HECW1: variants seen among roughly 807,000 people sequenced by gnomAD.
HECW1 encodes HECT, C2 and WW domain containing E3 ubiquitin protein ligase 1.
Under a neutral mutation model 182.3 loss-of-function variants are expected in HECW1, and 61 were observed. That is an observed-to-expected ratio of 0.33 (90% CI 0.27 to 0.41). HECW1 has a LOEUF of 0.41. HECW1 is among the 10% of genes least tolerant of loss of function. The pLI is 1.00. For synonymous variants in HECW1, 859 were observed against 832.6 expected, an observed-to-expected ratio of 1.03 and a Z score of -0.55; for missense variants, 1,739 against 2,108.9, an observed-to-expected ratio of 0.82 and a Z score of 3.44.
At chr7:43,552,572 G>T (rs772249951) in intron 28 of HECW1, among the ~76,000 whole-genome samples, 1 of 152,028 alleles carries the variant, frequency 6.6e-6, no homozygotes, top group African/African-American at 2.4e-5. Context: ...TCACTCTCAC[G>T]CCCCTTTCCC....
intron 2 of HECW1, among the ~76,000 whole-genome samples, chr7:43,197,513 C>A (rs376797229): frequency 1.3e-5 from 2 of 152,194 alleles, no homozygotes; most frequent in Admixed American, 6.5e-5. Flanking sequence ...TGGGACCCAC[C>A]TCTTGGCACA....
intron 13 of HECW1, among the ~76,000 whole-genome samples, chr7:43,462,664 C>A (rs987223074): frequency 3.9e-5 from 6 of 152,148 alleles, no homozygotes; most frequent in Non-Finnish European, 8.8e-5. Flanking sequence ...ACCCATCCTA[C>A]TGCAGGGCGC....
chr7:43,330,724 G>T (rs1487339792), intron 5 of HECW1, among the ~76,000 whole-genome samples: 2 of 152,194 alleles, frequency 1.3e-5, no homozygotes, highest in African/African-American at 4.8e-5. Context: ...ACTGTAGGCT[G>T]AAAGGTATAG....
At chr7:43,478,787 TAAA>T (rs748260046) in intron 16 of HECW1, among the ~76,000 whole-genome samples, 11 of 152,120 alleles carry the variant, frequency 7.2e-5, no homozygotes, top group East Asian at 3.8e-4. Context: ...CATTCTATAA[TAAA>T]AAAGAGCATT....
chr7:43,425,300 TAGATGATA>T (rs2076323789), intron 8 of HECW1, among the ~76,000 whole-genome samples: 2 of 122,060 alleles, frequency 1.6e-5, no homozygotes, highest in East Asian at 2.4e-4. Context: ...GATAGATAGA[TAGATGATA>T]GATAGATAGA....
At chr7:43,158,061 T>C (rs1379900284) in intron 2 of HECW1, among the ~76,000 whole-genome samples, 2 of 152,204 alleles carry the variant, frequency 1.3e-5, no homozygotes, top group Non-Finnish European at 2.9e-5. Flanking sequence ...TTAAGCTTCT[T>C]GTGAGTATTG....
chr7:43,148,362 C>T (rs2152641323), intron 2 of HECW1, among the ~76,000 whole-genome samples: 1 of 152,084 alleles, frequency 6.6e-6, no homozygotes, highest in Non-Finnish European at 1.5e-5. Context: ...CAGCTGAAGG[C>T]ATGTGCTGAC....
intron 5 of HECW1, among the ~76,000 whole-genome samples, chr7:43,359,846 C>T (rs1815646282): frequency 6.6e-6 from 1 of 152,098 alleles, no homozygotes. Flanking sequence ...AAGACATAGC[C>T]TGGTAATTTT....
At chr7:43,119,475 G>C (rs190052937) in intron 2 of HECW1, among the ~76,000 whole-genome samples, 179 of 152,164 alleles carry the variant, frequency 1.2e-3, no homozygotes, top group Non-Finnish European at 1.7e-3. Flanking sequence ...TTTAAATGCG[G>C]GTACGGGGAT....
chr7:43,383,101 G>A lies in HECW1; in HGVS notation c.556-13713G>A, dbSNP rs571032098. ...CTGGCTTCATCCACGTACCTGCAAA[G>A]GACATGAACTCATTATTTTTTTATG... On this transcript the variant is annotated intron_variant, in intron 6 of 29. Coordinates refer to ENST00000395891, the MANE Select transcript of HECW1 (RefSeq NM_015052.5). Among the ~76,000 whole-genome samples the A allele has an allele frequency of 2.7e-4, 41 of 152,294 alleles. 1 individual carries two copies. In the South Asian group the frequency reaches 7.7e-3, roughly 28 times the overall value.
Position 43,210,652 on chromosome 7 carries a change from C to T in HECW1, c.-31-33223C>T, listed in dbSNP as rs769464728. Among the ~76,000 whole-genome samples the T allele has an allele frequency of 6.6e-5, 10 of 152,066 alleles. 1 individual carries two copies. The highest frequency in any genetic ancestry group is 6.2e-4 in the South Asian group (3 of 4,820). The stretch of plus-strand genomic sequence containing the variant: ...TAGCTCTATTAGAAGCCTTGGGTCA[C>T]GGAAGAGAACCATGGAACCCAGTGA... On this transcript the variant is annotated intron_variant, in intron 2 of 29. Transcript: ENST00000395891.
At position 43,243,792 on chromosome 7, in the gene HECW1, A is replaced by C; in HGVS notation, c.-31-83A>C. The C allele has an allele frequency of 9.2e-7, 1 of 1,084,548 alleles. No individual in the cohort carries two copies. The highest frequency in any genetic ancestry group is 1.4e-6 in the Non-Finnish European group (1 of 698,648). The allele number at this position is 1,084,548 out of a possible 1,614,324, so 67.2% of individuals were successfully genotyped here. A position where few individuals can be genotyped will look rare whatever the true frequency, so the allele number is the denominator to read the frequency against. ...AGGTATCTTGGCGGGGGTGGGGGAA[A>C]CAATGTTGTTTGTGTGGGTAATGTT... On this transcript the variant is annotated intron_variant, in intron 2 of 29. Transcript: ENST00000395891. The surrounding 1 kb of genome is among the most constrained non-coding windows in gnomAD (Gnocchi z 4.0).
chr7:43,517,825 A>G (rs1020539492), intron 24 of HECW1, among the ~76,000 whole-genome samples: 3 of 152,280 alleles, frequency 2.0e-5, no homozygotes, highest in Non-Finnish European at 1.5e-5. Context: ...TCAATTCTCA[A>G]AGAAGATGTG....
chr7:43,238,666 A>T (rs989872290), intron 2 of HECW1, among the ~76,000 whole-genome samples: 4 of 152,224 alleles, frequency 2.6e-5, no homozygotes, highest in African/African-American at 7.2e-5. Flanking sequence ...GAAAAAATGT[A>T]TGAATGAATG....
chr7:43,148,106 G>T (rs2152641047), intron 2 of HECW1, among the ~76,000 whole-genome samples: 1 of 152,290 alleles, frequency 6.6e-6, no homozygotes, highest in South Asian at 2.1e-4. Flanking sequence ...TGTAGGGAGT[G>T]CCCTTGAATT....
At position 43,303,053 on chromosome 7, in the gene HECW1, T is replaced by G. The variant is rs564978665; in HGVS notation, c.28-8710T>G. ...GAACAGGAATTTGCCCCAGCTAACC[T>G]GACGAGGCCCTCCTGGCTGCCACCT... On this transcript the variant is annotated intron_variant, in intron 3 of 29. Transcript: ENST00000395891. 2.6e-5 allele frequency among the ~76,000 whole-genome samples: 4 copies of G among 152,222 alleles called. No individual in the cohort carries two copies. The East Asian group carries it at 7.7e-4, about 29-fold the overall frequency.
chr7:43,202,189 G>A (rs6957088), intron 2 of HECW1, among the ~76,000 whole-genome samples: 50,822 of 152,002 alleles, frequency 0.33, 9,432 homozygotes, highest in Non-Finnish European at 0.41. Flanking sequence ...CTAGTCAGTG[G>A]CAGAGCCAGA....
At chr7:43,449,737 C>G (rs921767436) in intron 11 of HECW1, among the ~76,000 whole-genome samples, 2 of 152,176 alleles carry the variant, frequency 1.3e-5, no homozygotes, top group African/African-American at 4.8e-5. Flanking sequence ...CCCTCTGGCC[C>G]TTAAAGGCTT....
chr7:43,246,318 A>G (rs1799376353), intron 3 of HECW1, among the ~76,000 whole-genome samples: 1 of 152,176 alleles, frequency 6.6e-6, no homozygotes, highest in African/African-American at 2.4e-5. Context: ...AAGAAAGGAA[A>G]TAAACTAGGG....
Sources: gnomAD v4.1 joint callset for allele counts (sites outside exome capture counted in the v4.1 genomes callset) on GRCh38, gnomAD v4.1.1 for gene constraint, Gnocchi (gnomAD v3.1) non-coding constraint, MANE v1.5 for transcripts, NCBI Gene and HGNC (gene_info 2026-07-23, HGNC 2026-07-21) for gene names.